Variants in PIWIL4 observed in about 807,000 individuals in gnomAD.
PIWIL4 encodes piwi-like protein 4.
Under a neutral mutation model 100.9 loss-of-function variants are expected in PIWIL4, and 50 were observed. The observed-to-expected ratio is 0.50, with a 90% CI of 0.39 to 0.63. PIWIL4 has a LOEUF of 0.63. Among genes scored for constraint, PIWIL4 ranks in the 20% least tolerant of loss-of-function variants. The pLI is 0.00. For missense variants in PIWIL4, 887 were observed against 1,043.3 expected (o/e 0.85, Z 2.06); for synonymous variants, 342 against 367.5 (o/e 0.93, Z 0.79).
intron 10 of PIWIL4, among the ~76,000 whole-genome samples, chr11:94,596,870 G>A (rs1344621878): frequency 6.6e-6 from 1 of 152,176 alleles, no homozygotes; most frequent in Non-Finnish European, 1.5e-5. Context: ...CCGAATAGGT[G>A]GAAATAGTGA....
chr11:94,598,852 C>T (rs184981536), intron 11 of PIWIL4, among the ~76,000 whole-genome samples: 5 of 151,952 alleles, frequency 3.3e-5, no homozygotes, highest in East Asian at 3.9e-4. Flanking sequence ...GGACTATAGG[C>T]GTGCGCCACC....
At chr11:94,617,686 A>G (rs1948861069) in intron 16 of PIWIL4, 3 of 417,868 alleles carry the variant, frequency 7.2e-6, no homozygotes, top group Non-Finnish European at 8.4e-6. Context: ...TTGCTTAAAT[A>G]TTAAAATTTT....
intron 2 of PIWIL4, among the ~76,000 whole-genome samples, chr11:94,570,436 A>G (rs1948135703): frequency 1.3e-5 from 2 of 151,934 alleles, no homozygotes; most frequent in Admixed American, 1.3e-4. Flanking sequence ...TTATGACAAC[A>G]GTCATACTGG....
In PIWIL4 at chr11:94,617,731, A is replaced by G. The variant is rs1460518844; in HGVS notation, c.2015-223A>G. Reference sequence around the variant, plus strand: ...GATAGGCCAAGTTTAAGAATATATCATGCCATAGAAACCATTGTGATTCCT... The same window carrying G: ...GATAGGCCAAGTTTAAGAATATATCGTGCCATAGAAACCATTGTGATTCCT... On this transcript the variant is annotated intron_variant, in intron 16 of 19. Transcript: ENST00000299001. 1.0e-5 allele frequency: 5 copies of G among 478,990 alleles called. 1 individual carries two copies. The Admixed American group carries it at 1.9e-4, about 18-fold the overall frequency. The allele number at this position is 478,990 out of a possible 1,614,324, so 29.7% of individuals were successfully genotyped here.
chr11:94,591,790 T>C (rs1948489688), intron 8 of PIWIL4, among the ~76,000 whole-genome samples: 1 of 152,148 alleles, frequency 6.6e-6, no homozygotes, highest in Non-Finnish European at 1.5e-5. Context: ...AAAGACTGAT[T>C]ATTATGTAGT....
At position 94,607,647 on chromosome 11, in the gene PIWIL4, C is replaced by G; in HGVS notation, c.1839+8C>G. ...TGGGCTGTGGAAATACCTGTAAGGA[C>G]CCTGTCACATTTTTTCTATTAGTAA... is the stretch of plus-strand genomic sequence containing the variant. On this transcript the variant is annotated splice_region_variant and intron_variant, in intron 14 of 19. Transcript: ENST00000299001. The G allele has an allele frequency of 6.2e-7, 1 of 1,607,846 alleles. No individual in the cohort carries two copies. Among genetic ancestry groups the G allele is most frequent in the East Asian group, 2.2e-5 (1 of 44,768 alleles).
chr11:94,587,113 T>C lies in PIWIL4; in HGVS notation c.780T>C (p.Ser260=). ...ATTTTGAAAGGAAGCTCCTGTTTAG[T>C]GCTGATGTGAGTTACAAAGTCCTCC... ...VSYFERKLLF[S]ADVSYKVLRN... is the part of the protein sequence containing the mutation. Residue 260 remains serine (S), a synonymous_variant, in exon 7 of 20, where the codon AGT becomes AGC. Coordinates refer to ENST00000299001, the MANE Select transcript of PIWIL4 (RefSeq NM_152431.3). 2 of 1,614,040 alleles carry C rather than the reference T, an allele frequency of 1.2e-6. No homozygotes were observed. The highest frequency in any genetic ancestry group is 1.7e-6 in the Non-Finnish European group (2 of 1,179,930).
intron 13 of PIWIL4, among the ~76,000 whole-genome samples, chr11:94,605,985 G>T (rs1473270112): frequency 6.6e-6 from 1 of 152,208 alleles, no homozygotes. Context: ...CCTGGAATCA[G>T]ATATCTTTCC....
intron 5 of PIWIL4, among the ~76,000 whole-genome samples, chr11:94,584,630 G>C (rs1430544943): frequency 6.6e-6 from 1 of 152,118 alleles, no homozygotes; most frequent in Non-Finnish European, 1.5e-5. Flanking sequence ...GTGACATTTG[G>C]CAGCCAAAAT....
intron 2 of PIWIL4, among the ~76,000 whole-genome samples, chr11:94,572,643 TC>T (rs1395861593): frequency 1.3e-5 from 2 of 152,226 alleles, no homozygotes; most frequent in African/African-American, 2.4e-5. Context: ...ATTCCATTGA[TC>T]TATATCTCTG....
At chr11:94,615,210 G>A (rs1306801156) in intron 15 of PIWIL4, among the ~76,000 whole-genome samples, 1 of 152,142 alleles carries the variant, frequency 6.6e-6, no homozygotes, top group Non-Finnish European at 1.5e-5. Context: ...TGTTGTTCTG[G>A]TTGAGGCAAG....
intron 11 of PIWIL4, among the ~76,000 whole-genome samples, chr11:94,600,135 C>A (rs976232533): frequency 2.6e-5 from 4 of 152,146 alleles, no homozygotes; most frequent in Non-Finnish European, 2.9e-5. Context: ...AACATTCCCC[C>A]TCTTCAGCGC....
chr11:94,594,336 C>T (rs953735139), intron 9 of PIWIL4, among the ~76,000 whole-genome samples: 2 of 151,434 alleles, frequency 1.3e-5, no homozygotes, highest in Non-Finnish European at 1.5e-5. Flanking sequence ...CCCGGTGGCA[C>T]GCGTCTGTAA....
At chr11:94,604,669 G>A (rs908753079) in intron 13 of PIWIL4, among the ~76,000 whole-genome samples, 9 of 152,126 alleles carry the variant, frequency 5.9e-5, no homozygotes, top group African/African-American at 1.9e-4. Context: ...ATCTTTCAAC[G>A]ATTCCTATTT....
At chr11:94,574,102 G>A (rs1286079579) in intron 2 of PIWIL4, among the ~76,000 whole-genome samples, 1 of 152,126 alleles carries the variant, frequency 6.6e-6, no homozygotes, top group Admixed American at 6.5e-5. Context: ...TTTTCAACAT[G>A]CCAGAAAGTC....
chr11:94,584,268 T>C (rs1036471972), intron 5 of PIWIL4, among the ~76,000 whole-genome samples: 14 of 152,160 alleles, frequency 9.2e-5, no homozygotes, highest in Admixed American at 2.0e-4. Flanking sequence ...AGATGATCTG[T>C]TAGAAACCTT....
chr11:94,607,341 G>C (rs1948734257), intron 13 of PIWIL4, 98 bp from the exon 14 acceptor site: 1 of 1,117,284 alleles, frequency 9.0e-7, no homozygotes, highest in Non-Finnish European at 1.3e-6. Context: ...AAGGGTAAAA[G>C]ATGTTTGGAG....
chr11:94,600,906 G>C (rs1948628608), intron 11 of PIWIL4, among the ~76,000 whole-genome samples: 1 of 151,904 alleles, frequency 6.6e-6, no homozygotes, highest in Non-Finnish European at 1.5e-5. Context: ...GTTCCGCCCG[G>C]CTCACCGGTG....
intron 4 of PIWIL4, 135 bp from the exon 5 acceptor site, chr11:94,583,313 T>G (rs1948352094): frequency 3.2e-6 from 3 of 949,170 alleles, no homozygotes; most frequent in South Asian, 3.5e-5. Flanking sequence ...AATGTGATGA[T>G]TAGATTATTA....
Sources: allele counts gnomAD v4.1 joint callset (sites outside exome capture counted in the v4.1 genomes callset), GRCh38; gene constraint gnomAD v4.1.1; transcripts MANE v1.5; gene names NCBI Gene and HGNC (gene_info 2026-07-23, HGNC 2026-07-21).